Variants in CYFIP1 observed in about 807,000 individuals in gnomAD.
CYFIP1 encodes cytoplasmic FMR1-interacting protein 1.
In CYFIP1, 58 loss-of-function variants were observed where a neutral mutation model predicts 163.5. The observed-to-expected ratio is 0.35, with a 90% CI of 0.29 to 0.44. The LOEUF (loss-of-function observed/expected upper bound fraction) is 0.44, where lower values mean the gene tolerates loss of function less well. CYFIP1 is among the 20% of genes least tolerant of loss of function. The pLI is 1.00. For missense variants in CYFIP1, 1,338 were observed against 1,653.8 expected (o/e 0.81, Z 3.31); for synonymous variants, 663 against 660.7 (o/e 1.00, Z -0.05).
At chr15:22,925,155 C>G (rs573253197) in intron 13 of CYFIP1, among the ~76,000 whole-genome samples, 4 of 102,652 alleles carry the variant, frequency 3.9e-5, no homozygotes, top group African/African-American at 1.5e-4. Flanking sequence ...TGTCAATTCT[C>G]CTGTCATGAT....
intron 13 of CYFIP1, among the ~76,000 whole-genome samples, chr15:22,922,150 G>C (rs1211002953): frequency 1.3e-5 from 2 of 152,132 alleles, no homozygotes; most frequent in African/African-American, 4.8e-5. Context: ...TGAACCTTGG[G>C]AGTGTCCTGC....
chr15:22,952,674 A>AAAAAAAAAAAAAAAAAAAAAAAC (rs2062295856), intron 1 of CYFIP1, among the ~76,000 whole-genome samples: 1 of 128,312 alleles, frequency 7.8e-6, no homozygotes, highest in Non-Finnish European at 1.7e-5. Flanking sequence ...AAAAAAAAAA[A>AAAAAAAAAAAAAAAAAAAAAAAC]AGGTAAACAT....
intron 30 of CYFIP1, among the ~76,000 whole-genome samples, chr15:22,871,508 G>A (rs2059432441): frequency 6.6e-6 from 1 of 152,204 alleles, no homozygotes; most frequent in Admixed American, 6.5e-5. Context: ...GGAAATGGAG[G>A]AGTGGGAGGC....
In CYFIP1 at chr15:22,867,390, CAAA is replaced by C; in HGVS notation, c.*2635_*2637del. ...ATGAAGGAACCTCTTTCTTACAAAA[CAAA>C]AAAAAGGGCAGAAATCACCCCAAGG... On this transcript the variant is annotated 3_prime_UTR_variant, in exon 31 of 31. Coordinates refer to ENST00000617928, the MANE Select transcript of CYFIP1 (RefSeq NM_014608.6). 2.6e-6 allele frequency: 1 copy of C among 386,558 alleles called. No homozygotes were observed. Among genetic ancestry groups the C allele is most frequent in the Non-Finnish European group, 4.6e-6 (1 of 219,492 alleles). The allele number at this position is 386,558 out of a possible 1,614,324, so 23.9% of individuals were successfully genotyped here.
intron 5 of CYFIP1, 115 bp from the exon 6 acceptor site, chr15:22,943,469 GAGGCTCC>G: frequency 8.6e-7 from 1 of 1,167,920 alleles, no homozygotes. Context: ...TCTGCCCAGT[GAGGCTCC>G]AGGCCGAAGT....
intron 1 of CYFIP1, among the ~76,000 whole-genome samples, chr15:22,958,097 C>CT (rs57822590): frequency 0.065 from 9,210 of 141,258 alleles, 740 homozygotes; most frequent in African/African-American, 0.19. Context: ...AAGTAATTTG[C>CT]TTTTTTTTTT....
chr15:22,936,785 C>T lies in CYFIP1; in HGVS notation c.900+319G>A, dbSNP rs144182498. On this transcript the variant is annotated intron_variant, in intron 9 of 30. Transcript: ENST00000617928. ...CATCAGATAGAAAACTACACCACAA[C>T]CGAAAGCTACAAGCTGTAGCTACGG... is the stretch of plus-strand genomic sequence containing the variant. 5.5e-4 allele frequency among the ~76,000 whole-genome samples: 84 copies of T among 152,320 alleles called. No individual in the cohort carries two copies. In the East Asian group the frequency reaches 0.016, roughly 29 times the overall value.
chr15:22,958,160 A>G (rs1252130916), intron 1 of CYFIP1, among the ~76,000 whole-genome samples: 1 of 149,260 alleles, frequency 6.7e-6, no homozygotes, highest in East Asian at 2.0e-4. Flanking sequence ...ATCTCGGCTC[A>G]CTGCAACCTC....
intron 1 of CYFIP1, among the ~76,000 whole-genome samples, chr15:22,968,226 C>T (rs1325747678): frequency 6.6e-6 from 1 of 152,178 alleles, no homozygotes; most frequent in Non-Finnish European, 1.5e-5. Context: ...TATGTGTCAA[C>T]TTGGCCAGGC....
intron 22 of CYFIP1, among the ~76,000 whole-genome samples, chr15:22,895,925 A>C (rs1246613052): frequency 6.6e-6 from 1 of 151,958 alleles, no homozygotes; most frequent in Admixed American, 6.6e-5. Context: ...GCACATGGAA[A>C]CCTCCCAGAC....
rs553402145 is a variant in CYFIP1, at chr15:22,931,825, G to A, written c.1110+398C>T. Among the ~76,000 whole-genome samples, 2 of 151,884 alleles carry A rather than the reference G, an allele frequency of 1.3e-5. 1 individual carries two copies. The highest frequency in any genetic ancestry group is 4.2e-4 in the South Asian group (2 of 4,808). The stretch of plus-strand genomic sequence containing the variant: ...TTGGTCAATGACAGCATATACAACG[G>A]TGGTCCCATAAGATTATAATACCAT... On this transcript the variant is annotated intron_variant, in intron 11 of 30. Transcript: ENST00000617928.
Position 22,943,270 on chromosome 15 carries a change from G to A in CYFIP1, c.472C>T (p.Leu158=), listed in dbSNP as rs753364788. 116 of 1,614,102 alleles carry A rather than the reference G, an allele frequency of 7.2e-5. 1 individual carries two copies. In the Admixed American group the frequency reaches 1.9e-3, roughly 26 times the overall value. The change falls in exon 6 of 31, where the codon CTG becomes TTG. Residue 158 remains leucine, a synonymous_variant. Transcript: ENST00000617928. ...TTGATGAATTTGCCCAGTGTGATCA[G>A]GTAGGCTTCTGACACGAAGTCCTTC... ...RRKDFVSEAY[L]ITLGKFINMF...
intron 8 of CYFIP1, among the ~76,000 whole-genome samples, chr15:22,937,624 A>C (rs986548740): frequency 5.6e-4 from 76 of 135,766 alleles, no homozygotes; most frequent in Non-Finnish European, 9.4e-4. Context: ...TTTGAGATGG[A>C]GTCTGGCTCT....
At chr15:22,893,972 A>G (rs1025722977) in intron 22 of CYFIP1, among the ~76,000 whole-genome samples, 4 of 152,158 alleles carry the variant, frequency 2.6e-5, no homozygotes, top group African/African-American at 9.7e-5. Context: ...CAGGAAGTAC[A>G]TTCCATCAGG....
intron 1 of CYFIP1, among the ~76,000 whole-genome samples, chr15:22,953,399 T>G (rs2062326699): frequency 6.6e-6 from 1 of 152,212 alleles, no homozygotes; most frequent in Admixed American, 6.5e-5. Flanking sequence ...ACCCCACTGC[T>G]AGAGAACAAA....
At chr15:22,878,751 A>G (rs1441817054) in intron 26 of CYFIP1, among the ~76,000 whole-genome samples, 1 of 152,016 alleles carries the variant, frequency 6.6e-6, no homozygotes, top group East Asian at 1.9e-4. Flanking sequence ...AAAAATCACC[A>G]CTATCAGAGT....
intron 10 of CYFIP1, among the ~76,000 whole-genome samples, chr15:22,932,782 G>A (rs2061579993): frequency 6.6e-6 from 1 of 152,158 alleles, no homozygotes; most frequent in Non-Finnish European, 1.5e-5. Context: ...CACAGTTTAG[G>A]ATTTAGGGCC....
chr15:22,874,605 G>A lies in CYFIP1; in HGVS notation c.3155C>T (p.Ser1052Leu), dbSNP rs773500575. 1.9e-6 allele frequency: 3 copies of A among 1,605,740 alleles called. No individual in the cohort carries two copies. The Admixed American group carries it at 5.2e-5, about 28-fold the overall frequency. The change falls in exon 28 of 31, where the codon TCA becomes TTA. Residue 1052 changes from serine to leucine, a missense_variant. Coordinates refer to ENST00000617928, the MANE Select transcript of CYFIP1 (RefSeq NM_014608.6). ...RLDAKMKRLE[S>L]KYAPLHLVPL... is the part of the protein sequence containing the mutation. ...GACAAGATGCAGCGGGGCGTACTTT[G>A]ATTCTAGTCTTTTCATTTTGGCATC...
chr15:22,873,332 C>G (rs1566910148), intron 29 of CYFIP1, among the ~76,000 whole-genome samples, 159 bp downstream of exon 29: 1 of 152,150 alleles, frequency 6.6e-6, no homozygotes, highest in Non-Finnish European at 1.5e-5. Context: ...TCTTTGGCAT[C>G]AAGTAAGAAT....
Sources: allele counts gnomAD v4.1 joint callset (sites outside exome capture counted in the v4.1 genomes callset), GRCh38; gene constraint gnomAD v4.1.1; transcripts MANE v1.5; gene names NCBI Gene and HGNC (gene_info 2026-07-23, HGNC 2026-07-21).